CAPN8: variants seen among roughly 807,000 people sequenced by gnomAD.
The protein encoded by CAPN8 is calpain 8, also known as calpain-8.
A neutral mutation model predicts 80.9 loss-of-function variants in CAPN8; 87 were observed. The ratio of observed to expected loss-of-function variants is 1.07; its 90% confidence interval spans 0.90 to 1.28. The LOEUF (loss-of-function observed/expected upper bound fraction) is 1.28, where lower values mean the gene tolerates loss of function less well. CAPN8 is among the 50% of genes most tolerant of loss of function. CAPN8 has a pLI of 0.00. For missense variants in CAPN8, 757 were observed against 702.0 expected (o/e 1.08, Z -0.89); for synonymous variants, 299 against 273.8 (o/e 1.09, Z -0.91).
At chr1:223,625,133 A>T (rs1657529688) in intron 6 of CAPN8, among the ~76,000 whole-genome samples, 1 of 152,218 alleles carries the variant, frequency 6.6e-6, no homozygotes, top group Admixed American at 6.5e-5. Flanking sequence ...AATGACTAGT[A>T]TAGCCCATGT....
At chr1:223,649,235 T>A (rs1658274907) in intron 2 of CAPN8, among the ~76,000 whole-genome samples, 1 of 152,240 alleles carries the variant, frequency 6.6e-6, no homozygotes. Flanking sequence ...TGTTGCATTT[T>A]CACAACCATA....
At chr1:223,545,179 T>C (rs1286095946) in intron 17 of CAPN8, 52 bp downstream of exon 17, 1 of 1,551,204 alleles carries the variant, frequency 6.4e-7, no homozygotes, top group African/African-American at 1.4e-5. Flanking sequence ...GGAATGAGTG[T>C]AAGGGAGGAT....
Position 223,609,296 on chromosome 1 carries a change from G to A in CAPN8, c.1392C>T (p.Thr464=), listed in dbSNP as rs1190408769. ...FFLAYQPSAR[T]STYVNLREVS... ...CCTCCCGCAGGTTGACGTAGGTGCTGGTGCGGGCTGAGGGCTGGTAGGCCA... is the reference window on the plus strand; with the variant it reads ...CCTCCCGCAGGTTGACGTAGGTGCTAGTGCGGGCTGAGGGCTGGTAGGCCA... Residue 464 remains threonine, a synonymous_variant, in exon 12 of 21, where the codon ACC becomes ACT. Coordinates refer to ENST00000366872, the MANE Select transcript of CAPN8 (RefSeq NM_001143962.2). 2 of 398,518 alleles carry A rather than the reference G, an allele frequency of 5.0e-6. No homozygotes were observed. The highest frequency in any genetic ancestry group is 2.1e-5 in the African/African-American group (1 of 48,610). The allele number at this position is 398,518 out of a possible 1,614,324, so 24.7% of individuals were successfully genotyped here. A position where few individuals can be genotyped will look rare whatever the true frequency, so the allele number is the denominator to read the frequency against.
chr1:223,612,375 A>T (rs548950408), intron 10 of CAPN8, 118 bp from the exon 11 acceptor site: 3 of 879,036 alleles, frequency 3.4e-6, no homozygotes, highest in South Asian at 1.2e-4. Context: ...AACTGAGGAG[A>T]CATTTGTGCT....
chr1:223,621,741 C>T (rs757992902), intron 7 of CAPN8, among the ~76,000 whole-genome samples: 1 of 152,036 alleles, frequency 6.6e-6, no homozygotes, highest in Non-Finnish European at 1.5e-5. Context: ...ATGTCCCCTT[C>T]GAAAGCCCTG....
At chr1:223,613,758 A>T (rs1244045964) in intron 10 of CAPN8, among the ~76,000 whole-genome samples, 3 of 152,228 alleles carry the variant, frequency 2.0e-5, no homozygotes, top group Non-Finnish European at 4.4e-5. Context: ...GCAGGTTTTC[A>T]TCCTCAATCC....
Position 223,627,043 on chromosome 1 carries a change from A to C in CAPN8, c.675T>G (p.Tyr225Ter). ...YDLKKPPANL[Y>*]QIIRKALCAG... Reference sequence around the variant, plus strand: ...CACAGAGGGCCTTCCGGATGATCTGATATAGATTGGCTGGTGGTTTCTTCA... The same window carrying C: ...CACAGAGGGCCTTCCGGATGATCTGCTATAGATTGGCTGGTGGTTTCTTCA... Residue 225 changes from tyrosine (Y) to a stop codon, truncating the protein, a stop_gained, in exon 5 of 21, where the codon TAT (tyrosine) becomes TAG (stop). Coordinates refer to ENST00000366872, the MANE Select transcript of CAPN8 (RefSeq NM_001143962.2). LOFTEE classifies it high-confidence loss of function. 6.4e-7 allele frequency: 1 copy of C among 1,552,054 alleles called. No homozygotes were observed. The highest frequency in any genetic ancestry group is 8.7e-7 in the Non-Finnish European group (1 of 1,147,076).
At chr1:223,548,243 AC>A (rs34302087) in intron 16 of CAPN8, among the ~76,000 whole-genome samples, 36,774 of 151,982 alleles carry the variant, frequency 0.24, 4,465 homozygotes, top group East Asian at 0.31. Flanking sequence ...TAAAGAAATC[AC>A]CTTCACCATC....
At chr1:223,620,829 C>CT (rs776152599) in intron 7 of CAPN8, among the ~76,000 whole-genome samples, 1 of 152,210 alleles carries the variant, frequency 6.6e-6, no homozygotes, top group Non-Finnish European at 1.5e-5. Flanking sequence ...GTGAGACCTC[C>CT]TGCTGGTGGC....
chr1:223,622,187 A>G (rs1657419324), intron 7 of CAPN8, among the ~76,000 whole-genome samples: 1 of 152,126 alleles, frequency 6.6e-6, no homozygotes, highest in Admixed American at 6.5e-5. Context: ...AAACCACCCC[A>G]TGCTTTCCAC....
At chr1:223,542,638 G>A (rs1656499488) in intron 20 of CAPN8, among the ~76,000 whole-genome samples, 1 of 152,162 alleles carries the variant, frequency 6.6e-6, no homozygotes, top group African/African-American at 2.4e-5. Context: ...GTACAGGGGT[G>A]CAGTGTCCAC....
At chr1:223,641,773 C>T (rs1399334953) in intron 2 of CAPN8, among the ~76,000 whole-genome samples, 1 of 152,230 alleles carries the variant, frequency 6.6e-6, no homozygotes, top group Non-Finnish European at 1.5e-5. Context: ...AACCCTCTTC[C>T]CCGCCTTCTT....
At chr1:223,650,204 T>C (rs1658309160) in intron 2 of CAPN8, among the ~76,000 whole-genome samples, 4 of 151,894 alleles carry the variant, frequency 2.6e-5, no homozygotes, top group Admixed American at 2.6e-4. Context: ...AGGGCAGAGG[T>C]GGCCTTGGAG....
intron 2 of CAPN8, among the ~76,000 whole-genome samples, chr1:223,629,506 G>A (rs1657713498): frequency 6.6e-6 from 1 of 152,202 alleles, no homozygotes; most frequent in Non-Finnish European, 1.5e-5. Context: ...TTCTGTGCAA[G>A]TTGGGACCCA....
intron 2 of CAPN8, among the ~76,000 whole-genome samples, chr1:223,642,361 G>A (rs1658065942): frequency 1.3e-5 from 2 of 152,136 alleles, no homozygotes; most frequent in Non-Finnish European, 2.9e-5. Context: ...ATAACACTTT[G>A]GAGTCATGCT....
At chr1:223,620,162 G>T (rs1432753518) in intron 8 of CAPN8, 30 bp downstream of exon 8, 3 of 1,543,946 alleles carry the variant, frequency 1.9e-6, no homozygotes, top group East Asian at 2.4e-5. Context: ...ATCACCAATG[G>T]GACAGCGCTT....
intron 16 of CAPN8, among the ~76,000 whole-genome samples, chr1:223,545,820 ACTT>A (rs1433164299): frequency 4.5e-5 from 5 of 111,602 alleles, no homozygotes; most frequent in Non-Finnish European, 9.0e-5. Context: ...TCACTCCACA[ACTT>A]TTTTTTTTTT....
intron 2 of CAPN8, among the ~76,000 whole-genome samples, chr1:223,633,179 A>T (rs187143767): frequency 6.6e-6 from 1 of 152,286 alleles, no homozygotes; most frequent in East Asian, 1.9e-4. Flanking sequence ...GGTTTTTCTA[A>T]CTGATATTAG....
intron 9 of CAPN8, among the ~76,000 whole-genome samples, chr1:223,618,442 G>A (rs947877287): frequency 1.3e-5 from 2 of 152,216 alleles, no homozygotes; most frequent in Non-Finnish European, 2.9e-5. Flanking sequence ...TGGCCATCAC[G>A]GCCCACGCTG....
Sources: gnomAD v4.1 joint callset for allele counts (sites outside exome capture counted in the v4.1 genomes callset) on GRCh38, gnomAD v4.1.1 for gene constraint, MANE v1.5 for transcripts, NCBI Gene and HGNC (gene_info 2026-07-23, HGNC 2026-07-21) for gene names.